CCDC7: variants seen among roughly 807,000 people sequenced by gnomAD.
CCDC7 encodes coiled-coil domain-containing protein 7.
Under a neutral mutation model 196.9 loss-of-function variants are expected in CCDC7, and 183 were observed. The ratio of observed to expected loss-of-function variants is 0.93; its 90% confidence interval spans 0.82 to 1.05. CCDC7 has a LOEUF of 1.05. Among genes scored for constraint, CCDC7 ranks in the 50% least tolerant of loss-of-function variants. CCDC7 has a pLI of 0.00. For synonymous variants in CCDC7, 525 were observed against 484.6 expected, an observed-to-expected ratio of 1.08 and a Z score of -1.10; for missense variants, 1,540 against 1,482.2, an observed-to-expected ratio of 1.04 and a Z score of -0.64.
intron 18 of CCDC7, among the ~76,000 whole-genome samples, chr10:32,626,527 T>A (rs1002977812): frequency 8.6e-5 from 13 of 152,004 alleles, no homozygotes; most frequent in African/African-American, 2.9e-4. Context: ...CTTCAAATTA[T>A]TAATAATTTC....
At chr10:32,516,494 G>T (rs2047058057) in intron 9 of CCDC7, among the ~76,000 whole-genome samples, 1 of 152,024 alleles carries the variant, frequency 6.6e-6, no homozygotes, top group African/African-American at 2.4e-5. Context: ...CACCATGTTG[G>T]CCAGGCTGGT....
chr10:32,561,741 C>T (rs571680822), intron 13 of CCDC7, among the ~76,000 whole-genome samples: 1 of 152,206 alleles, frequency 6.6e-6, no homozygotes, highest in East Asian at 1.9e-4. Flanking sequence ...ATTAAAAGAA[C>T]TAGAAAAGCA....
chr10:32,704,912 A>G (rs2079432283), intron 24 of CCDC7, among the ~76,000 whole-genome samples: 1 of 152,140 alleles, frequency 6.6e-6, no homozygotes, highest in South Asian at 2.1e-4. Context: ...GCCATCTGTC[A>G]CACCTTTCCT....
chr10:32,788,982 G>GA (rs1363061474), intron 29 of CCDC7, among the ~76,000 whole-genome samples: 1 of 152,084 alleles, frequency 6.6e-6, no homozygotes, highest in African/African-American at 2.4e-5. Context: ...AGACCCACCT[G>GA]CCTTCTCATC....
chr10:32,856,207 G>A (rs939981754), intron 41 of CCDC7, among the ~76,000 whole-genome samples: 2 of 152,092 alleles, frequency 1.3e-5, no homozygotes, highest in Admixed American at 1.3e-4. Context: ...CAAAAAAATA[G>A]ACATGTTAGA....
At chr10:32,563,332 G>T (rs967190787) in intron 13 of CCDC7, among the ~76,000 whole-genome samples, 1 of 152,022 alleles carries the variant, frequency 6.6e-6, no homozygotes, top group South Asian at 2.1e-4. Context: ...AAAAGAGCCC[G>T]CATTGCCAAG....
intron 8 of CCDC7, among the ~76,000 whole-genome samples, chr10:32,480,067 A>G (rs925965288): frequency 2.0e-5 from 3 of 151,314 alleles, no homozygotes; most frequent in East Asian, 2.0e-4. Flanking sequence ...TTCTTTTCCA[A>G]TGTTACTTGA....
chr10:32,704,913 C>A lies in CCDC7; in HGVS notation c.2459-6707C>A, dbSNP rs931763342. ...TCGATTTTCCAGGTGCCATCTGTCACACCTTTCCTTGGCTAGGAAAGGGAA... is the reference window on the plus strand; with the variant it reads ...TCGATTTTCCAGGTGCCATCTGTCAAACCTTTCCTTGGCTAGGAAAGGGAA... On this transcript the variant is annotated intron_variant, in intron 24 of 41. Transcript: ENST00000639629. Among the ~76,000 whole-genome samples the A allele has an allele frequency of 8.5e-5, 13 of 152,258 alleles. 1 individual carries two copies. The highest frequency in any genetic ancestry group is 3.1e-4 in the African/African-American group (13 of 41,582).
chr10:32,692,041 A>T (rs905007663), intron 23 of CCDC7, among the ~76,000 whole-genome samples: 1 of 152,160 alleles, frequency 6.6e-6, no homozygotes, highest in Non-Finnish European at 1.5e-5. Context: ...GTTAAACAAG[A>T]TTATTGCTTT....
intron 13 of CCDC7, among the ~76,000 whole-genome samples, chr10:32,549,682 A>C (rs1201044520): frequency 6.6e-6 from 1 of 151,900 alleles, no homozygotes; most frequent in Admixed American, 6.6e-5. Context: ...TCCTTTCCCC[A>C]CTTTATGTTT....
intron 28 of CCDC7, among the ~76,000 whole-genome samples, chr10:32,775,842 T>C (rs144162316): frequency 0.039 from 5,871 of 151,938 alleles, 119 homozygotes; most frequent in Middle Eastern, 0.051. Context: ...GTATATTTAT[T>C]GCGGCATTAT....
chr10:32,742,008 A>T (rs369275559), intron 28 of CCDC7, among the ~76,000 whole-genome samples: 1 of 152,118 alleles, frequency 6.6e-6, no homozygotes, highest in African/African-American at 2.4e-5. Flanking sequence ...AACTTACTTT[A>T]TGTTGGTATT....
At chr10:32,489,095 G>T (rs1249666492) in intron 8 of CCDC7, among the ~76,000 whole-genome samples, 1 of 152,164 alleles carries the variant, frequency 6.6e-6, no homozygotes, top group South Asian at 2.1e-4. Context: ...ACACCTCTTG[G>T]TTCTGGATTT....
chr10:32,686,218 G>T, intron 22 of CCDC7, 138 bp downstream of exon 23: 1 of 511,270 alleles, frequency 2.0e-6, no homozygotes, highest in South Asian at 3.8e-5. Context: ...GATAACTAGA[G>T]AACAAAAGCT....
At chr10:32,766,267 T>G (rs2133971609) in intron 28 of CCDC7, among the ~76,000 whole-genome samples, 1 of 152,138 alleles carries the variant, frequency 6.6e-6, no homozygotes, top group South Asian at 2.1e-4. Flanking sequence ...AAAACAGGTA[T>G]AATGCCTATT....
At chr10:32,872,054 G>T in intron 41 of CCDC7, among the ~76,000 whole-genome samples, 1 of 151,818 alleles carries the variant, frequency 6.6e-6, no homozygotes, top group Middle Eastern at 3.2e-3. Context: ...GTGTGGTGTG[G>T]TGTGGTGCTG....
At chr10:32,748,441 A>G (rs1178616907) in intron 28 of CCDC7, among the ~76,000 whole-genome samples, 2 of 152,180 alleles carry the variant, frequency 1.3e-5, no homozygotes, top group East Asian at 1.9e-4. Flanking sequence ...GACAATTCCA[A>G]CATCCCTGTT....
intron 25 of CCDC7, among the ~76,000 whole-genome samples, chr10:32,724,131 A>G (rs1283869292): frequency 1.3e-5 from 2 of 152,142 alleles, no homozygotes; most frequent in Non-Finnish European, 2.9e-5. Flanking sequence ...AATCACTAGC[A>G]TTCCCCAAAA....
chr10:32,847,476 G>A (rs552341266), intron 37 of CCDC7, among the ~76,000 whole-genome samples: 16 of 152,180 alleles, frequency 1.1e-4, no homozygotes, highest in South Asian at 8.3e-4. Context: ...TCTTAAGGAA[G>A]AAAAGGAAGG....
Sources: allele counts gnomAD v4.1 joint callset (sites outside exome capture counted in the v4.1 genomes callset), GRCh38; gene constraint gnomAD v4.1.1; transcripts MANE v1.5; gene names NCBI Gene and HGNC (gene_info 2026-07-23, HGNC 2026-07-21).